DOK6: variants seen among roughly 807,000 people sequenced by gnomAD.
DOK6 encodes the protein docking protein 6.
A neutral mutation model predicts 44.0 loss-of-function variants in DOK6; 22 were observed. That is an observed-to-expected ratio of 0.50 (90% CI 0.36 to 0.71). DOK6 has a LOEUF of 0.71. Ranked by LOEUF, DOK6 falls within the 30% of genes least tolerant of loss-of-function variation. The pLI is 0.00. For synonymous variants in DOK6, 166 were observed against 145.5 expected (o/e 1.14, Z -1.01); for missense variants, 340 against 416.4 (o/e 0.82, Z 1.60).
intron 1 of DOK6, among the ~76,000 whole-genome samples, chr18:69,487,259 C>T (rs1980609999): frequency 6.7e-6 from 1 of 148,564 alleles, no homozygotes; most frequent in Admixed American, 6.8e-5. Flanking sequence ...GGGTATCAGC[C>T]CTCACTTTTC....
At chr18:69,566,311 T>C (rs969302668) in intron 2 of DOK6, among the ~76,000 whole-genome samples, 4 of 151,732 alleles carry the variant, frequency 2.6e-5, no homozygotes, top group African/African-American at 7.2e-5. Context: ...TAATTTTTTG[T>C]GTTTTTAGTA....
chr18:69,486,089 AG>A (rs1555706159), intron 1 of DOK6, among the ~76,000 whole-genome samples: 1 of 151,664 alleles, frequency 6.6e-6, no homozygotes, highest in East Asian at 1.9e-4. Flanking sequence ...ATAGGTAAAA[AG>A]GTTTCAGTTC....
At chr18:69,757,608 C>G in intron 6 of DOK6, 148 bp from the exon 7 acceptor site, 1 of 649,082 alleles carries the variant, frequency 1.5e-6, no homozygotes, top group Non-Finnish European at 2.7e-6. Flanking sequence ...AATGATTTTA[C>G]TTTAAAAGTT....
intron 3 of DOK6, among the ~76,000 whole-genome samples, chr18:69,627,745 G>T (rs1568315718): frequency 2.6e-5 from 4 of 152,064 alleles, no homozygotes; most frequent in African/African-American, 7.2e-5. Flanking sequence ...CACCATGCCT[G>T]GCCTCACCTT....
chr18:69,595,369 G>T (rs1404658213), intron 2 of DOK6, among the ~76,000 whole-genome samples: 1 of 152,140 alleles, frequency 6.6e-6, no homozygotes, highest in Non-Finnish European at 1.5e-5. Flanking sequence ...TTTGGCTATT[G>T]TTCTGCCATT....
At chr18:69,530,473 T>C (rs1380309998) in intron 1 of DOK6, among the ~76,000 whole-genome samples, 1 of 152,126 alleles carries the variant, frequency 6.6e-6, no homozygotes, top group East Asian at 1.9e-4. Context: ...AGATATGCTT[T>C]CAGTGATTCA....
chr18:69,721,676 T>A (rs1356341372), intron 5 of DOK6, among the ~76,000 whole-genome samples: 1 of 152,178 alleles, frequency 6.6e-6, no homozygotes, highest in African/African-American at 2.4e-5. Context: ...ATAAGCTGTC[T>A]CCCTTGGAAG....
chr18:69,468,052 CTG>C (rs1297061365), intron 1 of DOK6, among the ~76,000 whole-genome samples: 1 of 152,108 alleles, frequency 6.6e-6, no homozygotes, highest in Non-Finnish European at 1.5e-5. Flanking sequence ...CTGTTTCTTA[CTG>C]TGTTTCTCAT....
intron 3 of DOK6, among the ~76,000 whole-genome samples, chr18:69,636,993 A>G (rs1984824465): frequency 6.6e-6 from 1 of 152,166 alleles, no homozygotes; most frequent in Non-Finnish European, 1.5e-5. Flanking sequence ...AGATGCCTTA[A>G]AGGAACTTTG....
intron 3 of DOK6, among the ~76,000 whole-genome samples, chr18:69,668,403 A>G (rs187607697): frequency 4.7e-4 from 72 of 152,040 alleles, no homozygotes; most frequent in Non-Finnish European, 5.9e-5. Context: ...CACTTCTTTC[A>G]TGCTATTCTT....
At chr18:69,559,961 C>A (rs1352482680) in intron 1 of DOK6, among the ~76,000 whole-genome samples, 1 of 152,162 alleles carries the variant, frequency 6.6e-6, no homozygotes, top group Non-Finnish European at 1.5e-5. Flanking sequence ...ACCCTACTTA[C>A]TTCCCAAAGG....
At chr18:69,733,975 A>G (rs1978509080) in intron 5 of DOK6, among the ~76,000 whole-genome samples, 1 of 152,106 alleles carries the variant, frequency 6.6e-6, no homozygotes, top group East Asian at 1.9e-4. Context: ...AGATATTTTC[A>G]CCGGCAAATT....
chr18:69,575,453 T>A (rs754755408), intron 2 of DOK6, among the ~76,000 whole-genome samples: 18 of 152,120 alleles, frequency 1.2e-4, no homozygotes, highest in Non-Finnish European at 2.2e-4. Flanking sequence ...AAATTAAACT[T>A]TATAATAAGC....
chr18:69,536,443 G>A (rs1428806244), intron 1 of DOK6, among the ~76,000 whole-genome samples: 3 of 152,082 alleles, frequency 2.0e-5, no homozygotes, highest in Non-Finnish European at 2.9e-5. Context: ...TACTTATCAA[G>A]TATAGTTTTT....
chr18:69,539,656 T>G (rs1276408534), intron 1 of DOK6, among the ~76,000 whole-genome samples: 1 of 152,098 alleles, frequency 6.6e-6, no homozygotes, highest in East Asian at 1.9e-4. Context: ...CATTGTTTAT[T>G]TAATAAATTC....
chr18:69,717,630 C>A (rs1223785791), intron 5 of DOK6, among the ~76,000 whole-genome samples: 1 of 152,124 alleles, frequency 6.6e-6, no homozygotes, highest in Non-Finnish European at 1.5e-5. Flanking sequence ...TGGCTAAGAG[C>A]CTTCATTGTG....
intron 3 of DOK6, among the ~76,000 whole-genome samples, chr18:69,657,315 A>G (rs995803342): frequency 1.3e-5 from 2 of 152,276 alleles, no homozygotes; most frequent in South Asian, 2.1e-4. Flanking sequence ...TGCAACAGTG[A>G]CACGTGCCAC....
chr18:69,640,011 C>A (rs770626446), intron 3 of DOK6, among the ~76,000 whole-genome samples: 4 of 152,066 alleles, frequency 2.6e-5, no homozygotes, highest in Non-Finnish European at 5.9e-5. Context: ...GAGCTAAGTC[C>A]CCTTTCTTAG....
intron 2 of DOK6, among the ~76,000 whole-genome samples, chr18:69,587,082 TAAC>T (rs1211221856): frequency 6.6e-6 from 1 of 152,188 alleles, no homozygotes; most frequent in African/African-American, 2.4e-5. Flanking sequence ...GTTCATGTAA[TAAC>T]TAACTCTAAT....
Sources: allele counts gnomAD v4.1 joint callset (sites outside exome capture counted in the v4.1 genomes callset), GRCh38; gene constraint gnomAD v4.1.1; transcripts MANE v1.5; gene names NCBI Gene and HGNC (gene_info 2026-07-23, HGNC 2026-07-21).